SNX29: variants seen among roughly 807,000 people sequenced by gnomAD.
The protein encoded by SNX29 is sorting nexin-29.
A neutral mutation model predicts 102.1 loss-of-function variants in SNX29; 78 were observed. That is an observed-to-expected ratio of 0.76 (90% confidence interval 0.64 to 0.92). The LOEUF is 0.92. Among genes scored for constraint, SNX29 ranks in the 40% least tolerant of loss-of-function variants. The pLI is 0.00. For synonymous variants in SNX29, 580 were observed against 414.5 expected, an observed-to-expected ratio of 1.40 and a Z score of -4.85; for missense variants, 1,280 against 1,061.7, an observed-to-expected ratio of 1.21 and a Z score of -2.86.
intron 20 of SNX29, among the ~76,000 whole-genome samples, chr16:12,559,202 C>G (rs776529610): frequency 3.3e-5 from 5 of 152,074 alleles, no homozygotes; most frequent in Non-Finnish European, 7.4e-5. Flanking sequence ...AGTGGGTGAG[C>G]AGCGCTTCGT....
At chr16:12,135,303 C>G (rs372835224) in intron 13 of SNX29, among the ~76,000 whole-genome samples, 15 of 152,238 alleles carry the variant, frequency 9.9e-5, no homozygotes, top group African/African-American at 3.4e-4. Flanking sequence ...AACCATCACA[C>G]TCCCCCAATT....
intron 17 of SNX29, among the ~76,000 whole-genome samples, chr16:12,402,415 A>C (rs1001786462): frequency 6.6e-6 from 1 of 152,228 alleles, no homozygotes; most frequent in African/African-American, 2.4e-5. Flanking sequence ...AGAGAAGGAG[A>C]GCTCAGGAGA....
At chr16:12,380,459 T>TCCAC (rs1567502469) in intron 16 of SNX29, among the ~76,000 whole-genome samples, 1 of 49,552 alleles carries the variant, frequency 2.0e-5, no homozygotes, top group Non-Finnish European at 4.8e-5. Flanking sequence ...CCACCATCCA[T>TCCAC]CCACCCACCA....
At chr16:12,527,260 C>G (rs2076810538) in intron 20 of SNX29, 1 of 533,260 alleles carries the variant, frequency 1.9e-6, no homozygotes. Flanking sequence ...GCTGACGAAT[C>G]TCCATGTGAT....
intron 14 of SNX29, among the ~76,000 whole-genome samples, chr16:12,215,119 C>G (rs1196404902): frequency 2.0e-5 from 3 of 152,060 alleles, no homozygotes; most frequent in African/African-American, 7.2e-5. Flanking sequence ...ATTGCTAGAC[C>G]CTGTGCTAAC....
At position 12,009,479 on chromosome 16, in the gene SNX29, G is replaced by A. The variant is rs12051412; in HGVS notation, c.122+6436G>A. ...TATATATGTGTGTGTGTGTGTGTGTGTATATATATATATGTATATTTGATC... is the reference window on the plus strand; with the variant it reads ...TATATATGTGTGTGTGTGTGTGTGTATATATATATATATGTATATTTGATC... On this transcript the variant is annotated intron_variant, in intron 3 of 20. Coordinates refer to ENST00000566228, the MANE Select transcript of SNX29 (RefSeq NM_032167.5). 6.2e-3 allele frequency among the ~76,000 whole-genome samples: 935 copies of A among 150,000 alleles called. 11 individuals carry two copies. The highest frequency in any genetic ancestry group is 0.019 in the African/African-American group (776 of 40,772).
At chr16:12,211,445 G>C (rs111897476) in intron 14 of SNX29, among the ~76,000 whole-genome samples, 12 of 152,184 alleles carry the variant, frequency 7.9e-5, no homozygotes, top group African/African-American at 2.7e-4. Flanking sequence ...AGCTCTGTGA[G>C]GATGGGACTG....
intron 13 of SNX29, among the ~76,000 whole-genome samples, chr16:12,195,885 A>T (rs752589900): frequency 6.6e-6 from 1 of 151,940 alleles, no homozygotes; most frequent in Non-Finnish European, 1.5e-5. Flanking sequence ...GAGGAGAGGG[A>T]CATAGGCATG....
chr16:12,291,784 G>C (rs949043977), intron 15 of SNX29, among the ~76,000 whole-genome samples: 1 of 152,228 alleles, frequency 6.6e-6, no homozygotes, highest in Non-Finnish European at 1.5e-5. Flanking sequence ...TGGATCCCCA[G>C]ATGAAAACTG....
At chr16:12,504,469 C>G (rs1019315655) in intron 19 of SNX29, among the ~76,000 whole-genome samples, 1 of 152,154 alleles carries the variant, frequency 6.6e-6, no homozygotes, top group Non-Finnish European at 1.5e-5. Context: ...ATTGCTTGTT[C>G]TGGAAATGTT....
rs1395387627 is a variant in SNX29 at position 12,524,710 on chromosome 16, G to T, written c.2187G>T (p.Lys729Asn). 1.9e-6 allele frequency: 3 copies of T among 1,613,344 alleles called. No individual in the cohort carries two copies. Among genetic ancestry groups the T allele is most frequent in the South Asian group, 2.2e-5 (2 of 91,044 alleles). Reference protein sequence around the residue: ...PKKAIGNKDAKFVEERRKQLQ... With the variant: ...PKKAIGNKDANFVEERRKQLQ... ...GTTTTGTGTTTCCTCAGGATGCCAAGTTTGTGGAGGAACGGAGAAAGCAGC... is the reference window on the plus strand; with the variant it reads ...GTTTTGTGTTTCCTCAGGATGCCAATTTTGTGGAGGAACGGAGAAAGCAGC... Residue 729 changes from lysine to asparagine, a missense_variant, in exon 20 of 21, where the codon AAG becomes AAT. Lys to Asn is a moderately conservative substitution (Grantham distance 94). Transcript: ENST00000566228.
At position 12,410,920 on chromosome 16, in the gene SNX29, C is replaced by G. The variant is rs150646831; in HGVS notation, c.2037+7391C>G. Among the ~76,000 whole-genome samples, 9 of 152,278 alleles carry G rather than the reference C, an allele frequency of 5.9e-5. No individual in the cohort carries two copies. The East Asian group carries it at 1.7e-3, about 29-fold the overall frequency. ...CGTTTCTCAGCTCTTCCTTTTCATC[C>G]TCTCTTAAGATAGCTTACCCCTTGG... On this transcript the variant is annotated intron_variant, in intron 18 of 20. Coordinates refer to ENST00000566228, the MANE Select transcript of SNX29 (RefSeq NM_032167.5).
intron 13 of SNX29, among the ~76,000 whole-genome samples, chr16:12,138,495 A>G (rs761161872): frequency 7.2e-5 from 11 of 152,160 alleles, no homozygotes; most frequent in Non-Finnish European, 1.6e-4. Flanking sequence ...GGCGTGAGCC[A>G]CCATGCCCAA....
intron 16 of SNX29, among the ~76,000 whole-genome samples, chr16:12,365,326 TTGTGTGTGTGTG>T (rs58869867): frequency 1.3e-4 from 18 of 139,866 alleles, no homozygotes; most frequent in Admixed American, 2.9e-4. Flanking sequence ...ACATCAGGAT[TTGTGTGTGTGTG>T]TGTGTGTGTG....
At chr16:12,383,661 C>G (rs1485079459) in intron 16 of SNX29, among the ~76,000 whole-genome samples, 1 of 151,870 alleles carries the variant, frequency 6.6e-6, no homozygotes, top group Admixed American at 6.6e-5. Context: ...GTCTCGAATT[C>G]CTGACCTTAG....
chr16:12,121,677 C>A (rs541187035), intron 11 of SNX29, among the ~76,000 whole-genome samples: 2 of 152,352 alleles, frequency 1.3e-5, no homozygotes, highest in African/African-American at 2.4e-5. Context: ...GGCCCTCTGC[C>A]TTGTGGCTGC....
chr16:12,539,809 A>C (rs1448505168), intron 20 of SNX29, among the ~76,000 whole-genome samples: 1 of 152,138 alleles, frequency 6.6e-6, no homozygotes, highest in Non-Finnish European at 1.5e-5. Context: ...TTTCATGTGG[A>C]TGTTTTCCTT....
At chr16:12,539,218 G>A (rs563419837) in intron 20 of SNX29, among the ~76,000 whole-genome samples, 1 of 152,158 alleles carries the variant, frequency 6.6e-6, no homozygotes, top group Non-Finnish European at 1.5e-5. Flanking sequence ...TCACCGTCAA[G>A]ATATAGACCA....
chr16:12,379,304 AG>A (rs1204823380), intron 16 of SNX29, among the ~76,000 whole-genome samples: 1 of 152,116 alleles, frequency 6.6e-6, no homozygotes, highest in African/African-American at 2.4e-5. Context: ...ATTTTTTTGT[AG>A]AGTTGGGGGT....
Sources: gnomAD v4.1 joint callset for allele counts (sites outside exome capture counted in the v4.1 genomes callset) on GRCh38, gnomAD v4.1.1 for gene constraint, MANE v1.5 for transcripts, NCBI Gene and HGNC (gene_info 2026-07-23, HGNC 2026-07-21) for gene names.